Variants in CNTNAP2 observed in about 807,000 individuals in gnomAD.
CNTNAP2 encodes the protein contactin-associated protein-like 2.
A neutral mutation model predicts 155.2 loss-of-function variants in CNTNAP2; 98 were observed. That is an observed-to-expected ratio of 0.63 (90% CI 0.54 to 0.75). The LOEUF (loss-of-function observed/expected upper bound fraction) is 0.75. Among genes scored for constraint, CNTNAP2 ranks in the 30% least tolerant of loss-of-function variants. The pLI, the probability that CNTNAP2 is intolerant of heterozygous loss-of-function variation, is 0.00. For missense variants in CNTNAP2, 1,727 were observed against 1,688.1 expected (o/e 1.02, Z -0.40); for synonymous variants, 651 against 631.2 (o/e 1.03, Z -0.47).
chr7:148,188,835 A>C (rs989712153), intron 18 of CNTNAP2, among the ~76,000 whole-genome samples: 1 of 152,232 alleles, frequency 6.6e-6, no homozygotes, highest in Non-Finnish European at 1.5e-5. Context: ...CATACCCATC[A>C]CTTAAAAATA....
At chr7:147,722,312 G>T (rs139666504) in intron 13 of CNTNAP2, among the ~76,000 whole-genome samples, 2,508 of 152,252 alleles carry the variant, frequency 0.016, 224 homozygotes, top group Admixed American at 0.15. Flanking sequence ...TCTTTCAGCA[G>T]CACTTAAAAT....
Position 146,626,870 on chromosome 7 carries a change from A to G in CNTNAP2, c.98-147401A>G, listed in dbSNP as rs545650878. On this transcript the variant is annotated intron_variant, in intron 1 of 23. Coordinates refer to ENST00000361727, the MANE Select transcript of CNTNAP2 (RefSeq NM_014141.6). ...ATGCTAGTTATAACCTCATAGCTTT[A>G]AAATGGAGGCCATTCTGAAGGCCTA... Among the ~76,000 whole-genome samples, 4 of 152,284 alleles carry G rather than the reference A, an allele frequency of 2.6e-5. No individual in the cohort carries two copies. The East Asian group carries it at 5.8e-4, about 22-fold the overall frequency.
At chr7:148,264,662 A>G (rs576933586) in intron 20 of CNTNAP2, among the ~76,000 whole-genome samples, 3 of 152,292 alleles carry the variant, frequency 2.0e-5, no homozygotes, top group African/African-American at 7.2e-5. Flanking sequence ...AAAATTCTTT[A>G]AGAAAATAGA....
At chr7:146,680,783 G>A (rs1038634538) in intron 1 of CNTNAP2, among the ~76,000 whole-genome samples, 5 of 152,138 alleles carry the variant, frequency 3.3e-5, no homozygotes, top group Non-Finnish European at 5.9e-5. Context: ...ATAGTCACAT[G>A]GATCCGGGAC....
intron 11 of CNTNAP2, among the ~76,000 whole-genome samples, chr7:147,504,702 CA>C (rs1554399298): frequency 2.5e-5 from 1 of 39,904 alleles, no homozygotes; most frequent in African/African-American, 7.7e-5. Flanking sequence ...AAAAAAAAAA[CA>C]AAAAACCTCT....
intron 21 of CNTNAP2, among the ~76,000 whole-genome samples, chr7:148,281,364 T>C (rs1317871310): frequency 6.6e-6 from 1 of 152,214 alleles, no homozygotes; most frequent in Non-Finnish European, 1.5e-5. Flanking sequence ...TGCAGCAAAA[T>C]TGATAAATGA....
intron 21 of CNTNAP2, among the ~76,000 whole-genome samples, chr7:148,310,297 T>G (rs1182791135): frequency 6.6e-6 from 1 of 152,204 alleles, no homozygotes; most frequent in Non-Finnish European, 1.5e-5. Context: ...AAAACAACAC[T>G]CTTCATTTAA....
intron 8 of CNTNAP2, among the ~76,000 whole-genome samples, chr7:147,188,474 G>A (rs918706038): frequency 1.3e-5 from 2 of 152,170 alleles, no homozygotes; most frequent in Admixed American, 6.5e-5. Context: ...CTATCCCCAA[G>A]TAGCAAACAA....
chr7:146,260,520 C>T (rs1472136877), intron 1 of CNTNAP2, among the ~76,000 whole-genome samples: 1 of 152,218 alleles, frequency 6.6e-6, no homozygotes, highest in Non-Finnish European at 1.5e-5. Flanking sequence ...GGAGCCTCCC[C>T]TCCTTGCATC....
chr7:148,302,355 G>T (rs977946127), intron 21 of CNTNAP2, among the ~76,000 whole-genome samples: 1 of 152,192 alleles, frequency 6.6e-6, no homozygotes, highest in African/African-American at 2.4e-5. Context: ...AACATGAAAT[G>T]AAAAGTCTAA....
At chr7:146,200,563 T>A (rs1798845143) in intron 1 of CNTNAP2, among the ~76,000 whole-genome samples, 1 of 151,950 alleles carries the variant, frequency 6.6e-6, no homozygotes, top group Non-Finnish European at 1.5e-5. Flanking sequence ...GTGTTTTTAC[T>A]ATGCTTTCCT....
intron 1 of CNTNAP2, among the ~76,000 whole-genome samples, chr7:146,312,303 T>C (rs1419862098): frequency 6.6e-6 from 1 of 152,156 alleles, no homozygotes; most frequent in Non-Finnish European, 1.5e-5. Flanking sequence ...GATGAGAGGG[T>C]GAGAGTTAGT....
intron 13 of CNTNAP2, among the ~76,000 whole-genome samples, chr7:147,827,606 G>A (rs1395776606): frequency 6.6e-6 from 1 of 152,130 alleles, no homozygotes; most frequent in African/African-American, 2.4e-5. Context: ...ATTGAAATAT[G>A]TTACTTACCT....
At chr7:147,870,069 A>T (rs1238597094) in intron 13 of CNTNAP2, among the ~76,000 whole-genome samples, 1 of 152,214 alleles carries the variant, frequency 6.6e-6, no homozygotes, top group Admixed American at 6.5e-5. Context: ...TTAGATGCCC[A>T]AGGTAACACA....
intron 1 of CNTNAP2, among the ~76,000 whole-genome samples, chr7:146,420,816 T>A: frequency 6.6e-6 from 1 of 152,136 alleles, no homozygotes; most frequent in Non-Finnish European, 1.5e-5. Flanking sequence ...ACATTTTCAT[T>A]GTTTCATTAT....
intron 4 of CNTNAP2, among the ~76,000 whole-genome samples, chr7:147,058,382 A>G (rs1225943171): frequency 6.6e-6 from 1 of 152,202 alleles, no homozygotes; most frequent in Non-Finnish European, 1.5e-5. Flanking sequence ...AGTATGTTCT[A>G]TAGAGTATAT....
chr7:147,264,887 A>T (rs918671655), intron 8 of CNTNAP2, among the ~76,000 whole-genome samples: 3 of 152,116 alleles, frequency 2.0e-5, no homozygotes, highest in Admixed American at 6.5e-5. Context: ...AGGTCCAGGA[A>T]ATTGAGGTCA....
intron 1 of CNTNAP2, among the ~76,000 whole-genome samples, chr7:146,275,451 T>C (rs1406977717): frequency 1.3e-5 from 2 of 152,282 alleles, no homozygotes; most frequent in East Asian, 3.9e-4. Context: ...TAGAAGGGTA[T>C]TGATATAAAG....
chr7:148,044,971 C>T (rs1215637930), intron 15 of CNTNAP2, among the ~76,000 whole-genome samples: 1 of 152,134 alleles, frequency 6.6e-6, no homozygotes, highest in Non-Finnish European at 1.5e-5. Flanking sequence ...AGATGACAGG[C>T]GGGAGCCACC....
Sources: allele counts gnomAD v4.1 joint callset (sites outside exome capture counted in the v4.1 genomes callset), GRCh38; gene constraint gnomAD v4.1.1; transcripts MANE v1.5; gene names NCBI Gene and HGNC (gene_info 2026-07-23, HGNC 2026-07-21).